RFC3: variants seen among roughly 807,000 people sequenced by gnomAD.
The protein encoded by RFC3 is replication factor C subunit 3.
In RFC3, 41 loss-of-function variants were observed where a neutral mutation model predicts 45.1. That is an observed-to-expected ratio of 0.91 (90% CI 0.71 to 1.18). RFC3 has a LOEUF of 1.18. Among genes scored for constraint, RFC3 ranks in the 50% most tolerant of loss-of-function variants. The pLI is 0.00. For missense variants in RFC3, 423 were observed against 428.1 expected (o/e 0.99, Z 0.10); for synonymous variants, 149 against 144.0 (o/e 1.03, Z -0.25).
intron 8 of RFC3, among the ~76,000 whole-genome samples, chr13:33,930,614 G>A (rs938010851): frequency 1.3e-5 from 2 of 152,166 alleles, no homozygotes; most frequent in South Asian, 4.2e-4. Context: ...GACACACCCA[G>A]GAATAATACT....
chr13:33,908,987 G>A (rs2082688498), intron 8 of RFC3, among the ~76,000 whole-genome samples: 1 of 152,056 alleles, frequency 6.6e-6, no homozygotes, highest in Admixed American at 6.6e-5. Context: ...AGTGGGGAAA[G>A]CCATCAGCTT....
intron 8 of RFC3, among the ~76,000 whole-genome samples, chr13:33,877,405 C>A (rs2082455452): frequency 6.6e-6 from 1 of 152,014 alleles, no homozygotes; most frequent in South Asian, 2.1e-4. Flanking sequence ...TTTGTAAAAG[C>A]GGTAAGAAAT....
chr13:33,872,496 G>A (rs367974653), intron 8 of RFC3, among the ~76,000 whole-genome samples: 1 of 152,206 alleles, frequency 6.6e-6, no homozygotes, highest in African/African-American at 2.4e-5. Context: ...CACTTTGGGA[G>A]GCCAAGGCGG....
intron 8 of RFC3, among the ~76,000 whole-genome samples, chr13:33,929,379 T>G (rs1669238393): frequency 6.6e-6 from 1 of 152,114 alleles, no homozygotes; most frequent in Non-Finnish European, 1.5e-5. Context: ...GACTTCATAT[T>G]GCAAGTCAAT....
intron 8 of RFC3, among the ~76,000 whole-genome samples, chr13:33,909,478 C>G (rs1422036585): frequency 2.0e-5 from 3 of 152,020 alleles, no homozygotes; most frequent in African/African-American, 7.2e-5. Context: ...TTACCCTAAG[C>G]TCTTCCTCCT....
chr13:33,891,538 T>G (rs1254241017), intron 8 of RFC3, among the ~76,000 whole-genome samples: 1 of 152,212 alleles, frequency 6.6e-6, no homozygotes, highest in Non-Finnish European at 1.5e-5. Flanking sequence ...TGTGTCCTAC[T>G]TAAAATCAAA....
rs186299904 is a variant in RFC3, at chr13:33,922,725, G to T, written c.880-43362G>T. Among the ~76,000 whole-genome samples, 9 of 152,228 alleles carry T rather than the reference G, an allele frequency of 5.9e-5. No individual in the cohort carries two copies. The East Asian group carries it at 1.2e-3, about 20-fold the overall frequency. ...TACCAGAAACTCATTGGAAAGGGCA[G>T]AGTTAAGTAGAGAGGCCATGGGATT... On this transcript the variant is annotated intron_variant, in intron 8 of 8. Coordinates refer to the RFC3 transcript ENST00000434425.
chr13:33,860,917 T>A (rs569932572), intron 8 of RFC3, among the ~76,000 whole-genome samples: 55 of 150,172 alleles, frequency 3.7e-4, no homozygotes, highest in South Asian at 2.5e-3. Flanking sequence ...ATATATATAT[T>A]TTTTTACCAG....
intron 8 of RFC3, among the ~76,000 whole-genome samples, chr13:33,929,592 T>G (rs1050213512): frequency 2.6e-5 from 4 of 152,128 alleles, no homozygotes; most frequent in Non-Finnish European, 5.9e-5. Flanking sequence ...TCATGTCATT[T>G]TAATTCATTA....
chr13:33,880,624 C>T (rs1190207805), intron 8 of RFC3, among the ~76,000 whole-genome samples: 2 of 152,160 alleles, frequency 1.3e-5, no homozygotes, highest in Non-Finnish European at 2.9e-5. Flanking sequence ...TAAATCTCAA[C>T]AGCCACATGG....
At chr13:33,844,685 T>C (rs1456432792) in intron 8 of RFC3, among the ~76,000 whole-genome samples, 1 of 152,230 alleles carries the variant, frequency 6.6e-6, no homozygotes, top group South Asian at 2.1e-4. Context: ...ACTTCATCGC[T>C]TCTGCTTTTT....
At chr13:33,868,874 C>CA (rs1222369758) in intron 8 of RFC3, among the ~76,000 whole-genome samples, 2 of 152,214 alleles carry the variant, frequency 1.3e-5, no homozygotes, top group African/African-American at 4.8e-5. Context: ...ACAAAAAGGC[C>CA]AGACACTCCT....
At chr13:33,975,327 G>A in the RFC3 span, among the ~76,000 whole-genome samples, 1 of 152,186 alleles carries the variant, frequency 6.6e-6, no homozygotes, top group African/African-American at 2.4e-5. Context: ...ATGACTATAT[G>A]GAAGAGGCAG....
intron 8 of RFC3, among the ~76,000 whole-genome samples, chr13:33,875,879 C>A (rs960848347): frequency 2.0e-5 from 3 of 152,092 alleles, no homozygotes; most frequent in African/African-American, 7.2e-5. Context: ...TGGGCAGATT[C>A]CTGGCATCAG....
At chr13:33,936,360 T>C (rs956411434) in intron 8 of RFC3, among the ~76,000 whole-genome samples, 5 of 152,114 alleles carry the variant, frequency 3.3e-5, no homozygotes, top group African/African-American at 1.2e-4. Flanking sequence ...ACTAAATTAC[T>C]ATTTAGTTAT....
intron 8 of RFC3, among the ~76,000 whole-genome samples, chr13:33,941,010 C>G (rs771241589): frequency 2.6e-5 from 4 of 152,234 alleles, no homozygotes; most frequent in Non-Finnish European, 5.9e-5. Context: ...GTGTTTACAT[C>G]AGATGCTTTT....
At chr13:33,833,637 A>T (rs1481049491) in intron 7 of RFC3, among the ~76,000 whole-genome samples, 1 of 152,188 alleles carries the variant, frequency 6.6e-6, no homozygotes, top group Admixed American at 6.5e-5. Flanking sequence ...AGTTACTTCA[A>T]TTGTATAGGT....
intron 8 of RFC3, among the ~76,000 whole-genome samples, chr13:33,853,096 C>G (rs988947729): frequency 2.0e-5 from 3 of 152,140 alleles, no homozygotes; most frequent in African/African-American, 7.2e-5. Context: ...CCAAGACCAG[C>G]TAGATAATCT....
chr13:33,895,393 A>G (rs989752151), intron 8 of RFC3, among the ~76,000 whole-genome samples: 2 of 152,170 alleles, frequency 1.3e-5, no homozygotes, highest in Admixed American at 6.6e-5. Context: ...AAAATGCTCA[A>G]CGTCACTAAT....
Sources: gnomAD v4.1 joint callset for allele counts (sites outside exome capture counted in the v4.1 genomes callset) on GRCh38, gnomAD v4.1.1 for gene constraint, MANE v1.5 for transcripts, NCBI Gene and HGNC (gene_info 2026-07-23, HGNC 2026-07-21) for gene names.